Variants in SPOUT1 observed in about 807,000 individuals in gnomAD.
SPOUT1 encodes SPOUT domain containing methyltransferase 1.
SPOUT1 carries 40 observed loss-of-function variants against 54.8 expected under a neutral mutation model. That is an observed-to-expected ratio of 0.73 (90% CI 0.57 to 0.95). SPOUT1 has a LOEUF of 0.95. Among genes scored for constraint, SPOUT1 ranks in the 40% least tolerant of loss-of-function variants. SPOUT1 has a pLI of 0.00. For synonymous variants in SPOUT1, 193 were observed against 200.3 expected (o/e 0.96, Z 0.31); for missense variants, 437 against 499.5 (o/e 0.87, Z 1.19).
rs1226156770 is a variant in SPOUT1 at position 128,824,808 on chromosome 9, G to A, written c.774C>T (p.Leu258=). The A allele has an allele frequency of 1.2e-6, 2 of 1,614,104 alleles. No individual in the cohort carries two copies. The highest frequency in any genetic ancestry group is 1.7e-6 in the Non-Finnish European group (2 of 1,179,976). Reference sequence around the variant, plus strand: ...CCAGTCGGACGGTGTAGCCCCAGTAGAGACCAGCTTTGGTGCGAGGGTCCT... The same window carrying A: ...CCAGTCGGACGGTGTAGCCCCAGTAAAGACCAGCTTTGGTGCGAGGGTCCT... The part of the protein sequence containing the change: ...SSQDPRTKAG[L]YWGYTVRLAS... The change falls in exon 9 of 12, where the codon CTC becomes CTT. Residue 258 remains leucine, a synonymous_variant. Coordinates refer to ENST00000361256, the MANE Select transcript of SPOUT1 (RefSeq NM_016390.4).
intron 7 of SPOUT1, 135 bp downstream of exon 7, chr9:128,825,887 A>G: frequency 1.8e-6 from 2 of 1,139,766 alleles, no homozygotes; most frequent in Non-Finnish European, 2.6e-6. Flanking sequence ...CCCATTTTGC[A>G]CAATTCTCTG....
In SPOUT1 at chr9:128,820,987, T is replaced by C; in HGVS notation, c.*1778A>G. The stretch of plus-strand genomic sequence containing the variant: ...CTGGTTTCTTGGCAAGCCTGTCAGC[T>C]TCCCTGCCTCGAGTCCCCTCATTCC... On this transcript the variant is annotated 3_prime_UTR_variant, in exon 12 of 12. Transcript: ENST00000361256. 1.3e-6 allele frequency: 1 copy of C among 743,536 alleles called. No individual in the cohort carries two copies. The highest frequency in any genetic ancestry group is 2.2e-6 in the Non-Finnish European group (1 of 450,870). 46.1% of individuals were successfully genotyped at this position (743,536 alleles called of 1,614,324 possible). A position where few individuals can be genotyped will look rare whatever the true frequency, so the allele number is the denominator to read the frequency against.
In SPOUT1 at chr9:128,829,122, A is replaced by G; in HGVS notation, c.70T>C (p.Trp24Arg). Residue 24 changes from tryptophan to arginine, a missense_variant, in exon 2 of 12, where the codon TGG becomes CGG. Trp to Arg is a moderately radical substitution (Grantham distance 101, BLOSUM62 -3). Transcript: ENST00000361256. ...EHGQRIEWRK[W>R]KQQKKEEKKK... Reference sequence around the variant, plus strand: ...CACCCTTACTTACTCTGTTGCTTCCATTTTCGCCACTCAATCCTTTGGCCG... The same window carrying G: ...CACCCTTACTTACTCTGTTGCTTCCGTTTTCGCCACTCAATCCTTTGGCCG... 6.2e-7 allele frequency: 1 copy of G among 1,613,884 alleles called. No homozygotes were observed. Among genetic ancestry groups the G allele is most frequent in the Non-Finnish European group, 8.5e-7 (1 of 1,179,844 alleles).
chr9:128,824,702 T>A lies in SPOUT1; in HGVS notation c.811+69A>T. 2.6e-6 allele frequency: 3 copies of A among 1,165,234 alleles called. No individual in the cohort carries two copies. In the South Asian group the frequency reaches 3.8e-5, roughly 15 times the overall value. 72.2% of individuals were successfully genotyped at this position (1,165,234 alleles called of 1,614,324 possible). A position where few individuals can be genotyped will look rare whatever the true frequency, so the allele number is the denominator to read the frequency against. On this transcript the variant is annotated intron_variant, in intron 9 of 11. Transcript: ENST00000361256. ...CAAAAACCCTGGTCTGATATTTGGGTCAGGCAAGGCTCCCGGCCACCTCCC... is the reference window on the plus strand; with the variant it reads ...CAAAAACCCTGGTCTGATATTTGGGACAGGCAAGGCTCCCGGCCACCTCCC...
chr9:128,827,907 C>T (rs560402969), intron 3 of SPOUT1, among the ~76,000 whole-genome samples: 2 of 152,076 alleles, frequency 1.3e-5, no homozygotes, highest in Non-Finnish European at 2.9e-5. Flanking sequence ...GGCAACAGAG[C>T]GAGACTGTGT....
chr9:128,826,360 G>C lies in SPOUT1; in HGVS notation c.508+24C>G. ...CTGTGGCATGATCCAGGGGAAATGG[G>C]GGGGCGGGCCCATACAGCGTTACCT... is the stretch of plus-strand genomic sequence containing the variant. On this transcript the variant is annotated intron_variant, in intron 6 of 11. Transcript: ENST00000361256. The surrounding 1 kb of genome is among the most constrained non-coding windows in gnomAD (Gnocchi z 5.5). 8 of 1,612,708 alleles carry C rather than the reference G, an allele frequency of 5.0e-6. No homozygotes were observed. Among genetic ancestry groups the C allele is most frequent in the Non-Finnish European group, 5.1e-6 (6 of 1,178,810 alleles).
In SPOUT1 at chr9:128,822,236, A is replaced by G. The variant is rs1830133778; in HGVS notation, c.*529T>C. The G allele has an allele frequency of 6.8e-7, 1 of 1,478,584 alleles. No homozygotes were observed. Among genetic ancestry groups the G allele is most frequent in the South Asian group, 1.3e-5 (1 of 76,994 alleles). 91.6% of individuals were successfully genotyped at this position (1,478,584 alleles called of 1,614,324 possible). On this transcript the variant is annotated 3_prime_UTR_variant, in exon 12 of 12. Transcript: ENST00000361256. ...GGGCGTGGTCCTGCAGGTTGACAGA[A>G]GTTAGAGGACAGATCAGGGAAGGCT...
At position 128,824,788 on chromosome 9, in the gene SPOUT1, C is replaced by T. The variant is rs1432634263; in HGVS notation, c.794G>A (p.Arg265Gln). The T allele has an allele frequency of 6.8e-6, 11 of 1,613,118 alleles. No individual in the cohort carries two copies. The highest frequency in any genetic ancestry group is 2.2e-5 in the East Asian group (1 of 44,896). Reference sequence around the variant, plus strand: ...GTCCTTACTGAGGCAGGAAGCCAGTCGGACGGTGTAGCCCCAGTAGAGACC... The same window carrying T: ...GTCCTTACTGAGGCAGGAAGCCAGTTGGACGGTGTAGCCCCAGTAGAGACC... Reference protein sequence around the residue: ...KAGLYWGYTVRLASCLSAVFA... With the variant: ...KAGLYWGYTVQLASCLSAVFA... The change falls in exon 9 of 12, where the codon CGA becomes CAA. Residue 265 changes from arginine (R) to glutamine (Q), a missense_variant. By Grantham distance (43) the Arg-to-Gln change is conservative. Transcript: ENST00000361256.
In SPOUT1 at chr9:128,822,349, C is replaced by A; in HGVS notation, c.*416G>T. On this transcript the variant is annotated 3_prime_UTR_variant, in exon 12 of 12. Transcript: ENST00000361256. Reference sequence around the variant, plus strand: ...ACAGGACAGAGGCTGATGGGAAATCCTACGTAAAGTACCAGGTCATCGGCA... The same window carrying A: ...ACAGGACAGAGGCTGATGGGAAATCATACGTAAAGTACCAGGTCATCGGCA... 6.2e-7 allele frequency: 1 copy of A among 1,613,810 alleles called. No individual in the cohort carries two copies. The highest frequency in any genetic ancestry group is 8.5e-7 in the Non-Finnish European group (1 of 1,179,902).
At chr9:128,823,973 C>T (rs1043523621) in intron 10 of SPOUT1, 79 bp from the exon 11 acceptor site, 4 of 1,586,124 alleles carry the variant, frequency 2.5e-6, no homozygotes, top group Non-Finnish European at 3.4e-6. Context: ...AGTCCCTCCC[C>T]ACCCCAGACA....
intron 3 of SPOUT1, among the ~76,000 whole-genome samples, chr9:128,828,517 T>G (rs1463267950): frequency 2.7e-5 from 4 of 148,536 alleles, no homozygotes; most frequent in South Asian, 4.2e-4. Context: ...AAAAGAGAGA[T>G]AAGGCTTGCC....
rs111278164 is a variant in SPOUT1 at position 128,820,322 on chromosome 9, G to A, written c.*2443C>T. Reference sequence around the variant, plus strand: ...CTTTCCATTGTCCCAGGCCTGGAGAGCTCAGGATGGAGGTCGATTCATGGC... The same window carrying A: ...CTTTCCATTGTCCCAGGCCTGGAGAACTCAGGATGGAGGTCGATTCATGGC... On this transcript the variant is annotated 3_prime_UTR_variant, in exon 12 of 12. Transcript: ENST00000361256. 12 of 171,188 alleles carry A rather than the reference G, an allele frequency of 7.0e-5. No individual in the cohort carries two copies. The highest frequency in any genetic ancestry group is 1.5e-4 in the Non-Finnish European group (12 of 79,748). The allele number at this position is 171,188 out of a possible 1,614,324, so 10.6% of individuals were successfully genotyped here. A position where few individuals can be genotyped will look rare whatever the true frequency, so the allele number is the denominator to read the frequency against.
Position 128,823,664 on chromosome 9 carries a change from G to C in SPOUT1, c.1062+83C>G, listed in dbSNP as rs1223478386. 4 of 1,299,728 alleles carry C rather than the reference G, an allele frequency of 3.1e-6. No homozygotes were observed. In the South Asian group the frequency reaches 5.7e-5, roughly 19 times the overall value. The allele number at this position is 1,299,728 out of a possible 1,614,324, so 80.5% of individuals were successfully genotyped here. ...ACAAGGCAGCCACGGGCAAGGGTGG[G>C]TGACAGGGCAAGAGTAGCACCCGCC... On this transcript the variant is annotated intron_variant, in intron 11 of 11. Coordinates refer to ENST00000361256, the MANE Select transcript of SPOUT1 (RefSeq NM_016390.4).
At position 128,827,998 on chromosome 9, in the gene SPOUT1, C is replaced by T. The variant is rs941362414; in HGVS notation, c.208+737G>A. 1.7e-4 allele frequency among the ~76,000 whole-genome samples: 26 copies of T among 152,340 alleles called. No homozygotes were observed. In the South Asian group the frequency reaches 4.1e-3, roughly 24 times the overall value. On this transcript the variant is annotated intron_variant, in intron 3 of 11. Coordinates refer to ENST00000361256, the MANE Select transcript of SPOUT1 (RefSeq NM_016390.4). ...GTAACATTGTATCTGTACTTTGCTACACATGGATAAGTAGCTATAATTGTT... is the reference window on the plus strand; with the variant it reads ...GTAACATTGTATCTGTACTTTGCTATACATGGATAAGTAGCTATAATTGTT...
chr9:128,829,114 T>C lies in SPOUT1; in HGVS notation c.78A>G (p.Gln26=). 1 of 1,613,826 alleles carries C rather than the reference T, an allele frequency of 6.2e-7. No individual in the cohort carries two copies. The highest frequency in any genetic ancestry group is 8.5e-7 in the Non-Finnish European group (1 of 1,179,686). The change falls in exon 2 of 12, where the codon CAA becomes CAG. Residue 26 remains glutamine, a synonymous_variant. Coordinates refer to ENST00000361256, the MANE Select transcript of SPOUT1 (RefSeq NM_016390.4). The part of the protein sequence containing the change: ...GQRIEWRKWK[Q]QKKEEKKKWK... ...CTCTTACCCACCCTTACTTACTCTG[T>C]TGCTTCCATTTTCGCCACTCAATCC...
chr9:128,822,758 A>G lies in SPOUT1; in HGVS notation c.*7T>C, dbSNP rs370441377. The stretch of plus-strand genomic sequence containing the variant: ...GCTTCACTGATGTCCTCGGCCCCTT[A>G]GAACTTTCAGGTGTGCCGGGCACCC... On this transcript the variant is annotated 3_prime_UTR_variant, in exon 12 of 12. Transcript: ENST00000361256. 7.0e-5 allele frequency: 110 copies of G among 1,572,082 alleles called. No individual in the cohort carries two copies. The highest frequency in any genetic ancestry group is 1.1e-4 in the Admixed American group (6 of 54,234).
Position 128,823,900 on chromosome 9 carries a change from C to T in SPOUT1, c.915-6G>A, listed in dbSNP as rs768993217. 1.2e-6 allele frequency: 2 copies of T among 1,612,670 alleles called. No individual in the cohort carries two copies. The highest frequency in any genetic ancestry group is 1.7e-6 in the Non-Finnish European group (2 of 1,179,602). ...CGAACACCACAAGAGCATGCCTGGC[C>T]CATGTAAGAGGGGGTCACCTGAGCG... On this transcript the variant is annotated splice_region_variant and splice_polypyrimidine_tract_variant and intron_variant, in intron 10 of 11. Transcript: ENST00000361256.
Position 128,826,791 on chromosome 9 carries a change from C to T in SPOUT1, c.369-162G>A, listed in dbSNP as rs1391955731. On this transcript the variant is annotated intron_variant, in intron 4 of 11. Transcript: ENST00000361256. This position sits in a 1 kb window ranked among gnomAD's most constrained non-coding sequence, Gnocchi z 5.5. The stretch of plus-strand genomic sequence containing the variant: ...GCAGTGAGCCATGACCATGCCACTG[C>T]ATGCACTCCAGCCGGGGTGACAGCT... 6.6e-6 allele frequency among the ~76,000 whole-genome samples: 1 copy of T among 152,168 alleles called. No homozygotes were observed. The highest frequency in any genetic ancestry group is 1.5e-5 in the Non-Finnish European group (1 of 68,028).
chr9:128,828,871 G>A lies in SPOUT1; in HGVS notation c.83-11C>T. 6.2e-7 allele frequency: 1 copy of A among 1,613,860 alleles called. No homozygotes were observed. On this transcript the variant is annotated splice_polypyrimidine_tract_variant and intron_variant, in intron 2 of 11. Coordinates refer to ENST00000361256, the MANE Select transcript of SPOUT1 (RefSeq NM_016390.4). ...TTTTCTCCTCTTTCTCTGGATAAAA[G>A]AACATCCTAATTGGCCAAGGAGACA...
Sources: allele counts gnomAD v4.1 joint callset (sites outside exome capture counted in the v4.1 genomes callset), GRCh38; gene constraint gnomAD v4.1.1; non-coding constraint Gnocchi (gnomAD v3.1); transcripts MANE v1.5; gene names NCBI Gene and HGNC (gene_info 2026-07-23, HGNC 2026-07-21).